MYO5C: variants seen among roughly 807,000 people sequenced by gnomAD.
MYO5C encodes myosin VC.
In MYO5C, 194 loss-of-function variants were observed where a neutral mutation model predicts 235.7. The ratio of observed to expected loss-of-function variants is 0.82; its 90% CI spans 0.73 to 0.93. The LOEUF (loss-of-function observed/expected upper bound fraction) is 0.93, where lower values mean the gene tolerates loss of function less well. MYO5C is among the 40% of genes least tolerant of loss of function. The pLI, the probability that MYO5C is intolerant of heterozygous loss-of-function variation, is 0.00. For missense variants in MYO5C, 2,038 were observed against 2,127.2 expected (o/e 0.96, Z 0.82); for synonymous variants, 707 against 754.8 (o/e 0.94, Z 1.04).
chr15:52,249,937 TC>T (rs1257692180), intron 13 of MYO5C, among the ~76,000 whole-genome samples: 1 of 152,196 alleles, frequency 6.6e-6, no homozygotes, highest in African/African-American at 2.4e-5. Flanking sequence ...CACCAATCAA[TC>T]CATAGTCCAG....
intron 36 of MYO5C, among the ~76,000 whole-genome samples, chr15:52,207,282 G>T (rs1216077639): frequency 6.6e-6 from 1 of 152,192 alleles, no homozygotes; most frequent in Non-Finnish European, 1.5e-5. Context: ...GCTGAAGGGG[G>T]CAAAGAAAGG....
chr15:52,256,561 G>A (rs983393242), intron 11 of MYO5C, 78 bp downstream of exon 11: 11 of 471,156 alleles, frequency 2.3e-5, no homozygotes, highest in East Asian at 1.2e-4. Flanking sequence ...CTCTTTCCAC[G>A]AACACACACA....
intron 1 of MYO5C, among the ~76,000 whole-genome samples, chr15:52,284,580 G>C (rs1296671458): frequency 6.6e-6 from 1 of 152,128 alleles, no homozygotes; most frequent in Non-Finnish European, 1.5e-5. Flanking sequence ...CTTAAGATTT[G>C]TGCATTTCAT....
intron 24 of MYO5C, among the ~76,000 whole-genome samples, chr15:52,231,120 G>A (rs1045823076): frequency 2.0e-5 from 3 of 152,170 alleles, no homozygotes; most frequent in Non-Finnish European, 4.4e-5. Flanking sequence ...GAGCCAGTAC[G>A]CCTGGCCCAG....
intron 32 of MYO5C, among the ~76,000 whole-genome samples, chr15:52,214,931 A>G (rs910679567): frequency 8.5e-5 from 13 of 152,228 alleles, no homozygotes; most frequent in Non-Finnish European, 1.3e-4. Flanking sequence ...CTAGTTTCTC[A>G]TTACCTTCCA....
intron 1 of MYO5C, among the ~76,000 whole-genome samples, chr15:52,289,536 T>C (rs1014721601): frequency 6.6e-6 from 1 of 152,164 alleles, no homozygotes; most frequent in Non-Finnish European, 1.5e-5. Flanking sequence ...TAGAAAAGAC[T>C]GCCTTTTAAA....
Position 52,251,430 on chromosome 15 carries a change from A to G in MYO5C, c.1622T>C (p.Met541Thr). Reference protein sequence around the residue: ...NRNPLFEKPRMSNTSFVIQHF... With the variant: ...NRNPLFEKPRTSNTSFVIQHF... ...CTGGATGACAAAGGATGTGTTTGACATTCTAGGCTTTTCAAACAAAGGGTT... is the reference window on the plus strand; with the variant it reads ...CTGGATGACAAAGGATGTGTTTGACGTTCTAGGCTTTTCAAACAAAGGGTT... The change falls in exon 13 of 41, where the codon ATG (methionine) becomes ACG (threonine). Residue 541 changes from methionine to threonine, a missense_variant. Physicochemically the swap from Met to Thr is moderately conservative, Grantham distance 81. Coordinates refer to ENST00000261839, the MANE Select transcript of MYO5C (RefSeq NM_018728.4). The G allele has an allele frequency of 6.2e-7, 1 of 1,605,256 alleles. No individual in the cohort carries two copies. The highest frequency in any genetic ancestry group is 2.3e-5 in the East Asian group (1 of 44,398).
At chr15:52,245,049 A>G (rs1316729211) in intron 18 of MYO5C, among the ~76,000 whole-genome samples, 2 of 152,220 alleles carry the variant, frequency 1.3e-5, no homozygotes, top group Non-Finnish European at 2.9e-5. Context: ...GCTTGGTGAC[A>G]ACCCCAGTTG....
Position 52,208,563 on chromosome 15 carries a change from G to A in MYO5C, c.4377C>T (p.Ser1459=), listed in dbSNP as rs368291489. 6.2e-6 allele frequency: 10 copies of A among 1,614,054 alleles called. No homozygotes were observed. The South Asian group carries it at 7.7e-5, about 12-fold the overall frequency. Residue 1459 remains serine, a synonymous_variant, in exon 36 of 41, where the codon AGC becomes AGT. Coordinates refer to ENST00000261839, the MANE Select transcript of MYO5C (RefSeq NM_018728.4). ...GGTGGGCGCCCCCTACCTCTTCTCC[G>A]CTGTACTGCTTCAGGCAATTGAGAA... ...CHFLNCLKQY[S]GEEEFMKHNS...
At position 52,248,682 on chromosome 15, in the gene MYO5C, C is replaced by T. The variant is rs958652700; in HGVS notation, c.1746+18G>A. The T allele has an allele frequency of 3.2e-6, 5 of 1,580,574 alleles. No homozygotes were observed. The South Asian group carries it at 4.4e-5, about 14-fold the overall frequency. On this transcript the variant is annotated intron_variant, in intron 14 of 40. Coordinates refer to ENST00000261839, the MANE Select transcript of MYO5C (RefSeq NM_018728.4). ...TCAATTATATAATAACTTTAGTTAC[C>T]CCTAGGACTTTACAGACCTTGCTTG...
chr15:52,234,160 A>T (rs569384455), intron 23 of MYO5C, among the ~76,000 whole-genome samples: 1 of 152,370 alleles, frequency 6.6e-6, no homozygotes, highest in Non-Finnish European at 1.5e-5. Context: ...AGCTGCTCGA[A>T]TGTGATTTAC....
chr15:52,277,329 A>G, intron 4 of MYO5C: 1 of 490,774 alleles, frequency 2.0e-6, no homozygotes, highest in East Asian at 5.9e-5. Context: ...AGTGCCAAAG[A>G]GCTCATCCCA....
chr15:52,223,208 C>T (rs1269872761), intron 29 of MYO5C, among the ~76,000 whole-genome samples: 2 of 151,706 alleles, frequency 1.3e-5, no homozygotes, highest in Non-Finnish European at 2.9e-5. Context: ...TTCTGACACA[C>T]TCCTGTCTCA....
chr15:52,245,793 TTC>T (rs1239894394), intron 17 of MYO5C, among the ~76,000 whole-genome samples, 161 bp downstream of exon 17: 1 of 152,236 alleles, frequency 6.6e-6, no homozygotes, highest in Non-Finnish European at 1.5e-5. Flanking sequence ...CAAAGCCTAT[TTC>T]TCAACCTCTT....
chr15:52,286,166 C>T (rs1363811243), intron 1 of MYO5C, among the ~76,000 whole-genome samples: 5 of 151,936 alleles, frequency 3.3e-5, no homozygotes, highest in South Asian at 2.1e-4. Context: ...GCAGCCACCC[C>T]GTCTGGGAGG....
chr15:52,239,013 G>T (rs974993553), intron 21 of MYO5C, among the ~76,000 whole-genome samples: 2 of 151,282 alleles, frequency 1.3e-5, no homozygotes, highest in Non-Finnish European at 2.9e-5. Context: ...GTGCAGTGGC[G>T]CCATCTTGGC....
At chr15:52,266,560 C>G (rs571231814) in intron 8 of MYO5C, among the ~76,000 whole-genome samples, 1 of 152,162 alleles carries the variant, frequency 6.6e-6, no homozygotes, top group African/African-American at 2.4e-5. Flanking sequence ...GTATTTTCCA[C>G]GCATCAGCTC....
intron 17 of MYO5C, among the ~76,000 whole-genome samples, chr15:52,245,748 T>C (rs2036326287): frequency 6.6e-6 from 1 of 152,178 alleles, no homozygotes. Flanking sequence ...GATGCAGTGA[T>C]GGGGTGAGAA....
intron 3 of MYO5C, 86 bp downstream of exon 3, chr15:52,279,423 G>C (rs2037118843): frequency 3.5e-6 from 5 of 1,423,538 alleles, no homozygotes; most frequent in Non-Finnish European, 4.8e-6. Flanking sequence ...TGGGTGCTCA[G>C]TATAAACATA....
Sources: allele counts gnomAD v4.1 joint callset (sites outside exome capture counted in the v4.1 genomes callset), GRCh38; gene constraint gnomAD v4.1.1; transcripts MANE v1.5; gene names NCBI Gene and HGNC (gene_info 2026-07-23, HGNC 2026-07-21).